ADCYAP1R1: variants seen among roughly 807,000 people sequenced by gnomAD.
The protein encoded by ADCYAP1R1 is pituitary adenylate cyclase-activating polypeptide type I receptor.
A neutral mutation model predicts 67.6 loss-of-function variants in ADCYAP1R1; 44 were observed. The observed-to-expected ratio is 0.65, with a 90% CI of 0.51 to 0.84. ADCYAP1R1 has a LOEUF of 0.84. ADCYAP1R1 is among the 40% of genes least tolerant of loss of function. The probability of loss-of-function intolerance (pLI) is 0.00; values close to 1 mark genes in which losing one functional copy is unlikely to be tolerated. For missense variants in ADCYAP1R1, 477 were observed against 587.9 expected (o/e 0.81, Z 1.95); for synonymous variants, 222 against 219.6 (o/e 1.01, Z -0.10).
At chr7:31,060,341 G>T (rs911745438) in intron 1 of ADCYAP1R1, among the ~76,000 whole-genome samples, 1 of 152,258 alleles carries the variant, frequency 6.6e-6, no homozygotes, top group Non-Finnish European at 1.5e-5. Context: ...GAGTGAGTGT[G>T]TGTAAGCGTG....
Position 31,104,917 on chromosome 7 carries a change from C to G in ADCYAP1R1, c.1218+8C>G. ...TGTTTTCTGAATGGTGAGGTAAGAC[C>G]TTGGCCCTCTGGCTTCTTGGCAGTG... On this transcript the variant is annotated splice_region_variant and intron_variant, in intron 15 of 15. Transcript: ENST00000304166. 6.2e-7 allele frequency: 1 copy of G among 1,614,128 alleles called. No homozygotes were observed. Among genetic ancestry groups the G allele is most frequent in the Non-Finnish European group, 8.5e-7 (1 of 1,179,984 alleles).
intron 3 of ADCYAP1R1, among the ~76,000 whole-genome samples, chr7:31,071,620 C>A (rs1020048212): frequency 6.6e-6 from 1 of 152,206 alleles, no homozygotes; most frequent in African/African-American, 2.4e-5. Flanking sequence ...CTTCCTCAGT[C>A]TTCTTTGCCA....
intron 11 of ADCYAP1R1, 114 bp from the exon 12 acceptor site, chr7:31,087,513 A>C: frequency 1.1e-6 from 1 of 888,598 alleles, no homozygotes; most frequent in Non-Finnish European, 1.9e-6. Context: ...GCCCCTCCTC[A>C]GAGAGCTGCG....
chr7:31,091,693 C>T (rs11979758), intron 12 of ADCYAP1R1, among the ~76,000 whole-genome samples: 2,831 of 152,184 alleles, frequency 0.019, 81 homozygotes, highest in African/African-American at 0.065. Flanking sequence ...TGCTTATTTT[C>T]GTAAACTTCA....
At chr7:31,074,649 C>T (rs1317684161) in intron 3 of ADCYAP1R1, among the ~76,000 whole-genome samples, 2 of 152,212 alleles carry the variant, frequency 1.3e-5, no homozygotes, top group South Asian at 2.1e-4. Context: ...GCTCCACGGC[C>T]GTTCCACGGT....
chr7:31,063,222 G>C lies in ADCYAP1R1; in HGVS notation c.-43G>C. On this transcript the variant is annotated 5_prime_UTR_variant, in exon 2 of 16. Coordinates refer to ENST00000304166, the MANE Select transcript of ADCYAP1R1 (RefSeq NM_001118.5). ...AGAGACACATTGGGGCTGACCTGCC[G>C]CTGCTGTCAGTGGGAGGCCAGTGGT... 1.2e-6 allele frequency: 2 copies of C among 1,612,968 alleles called. No individual in the cohort carries two copies. Among genetic ancestry groups the C allele is most frequent in the African/African-American group, 1.3e-5 (1 of 75,036 alleles).
At chr7:31,079,226 G>A (rs1795411562) in intron 4 of ADCYAP1R1, among the ~76,000 whole-genome samples, 1 of 152,200 alleles carries the variant, frequency 6.6e-6, no homozygotes, top group Non-Finnish European at 1.5e-5. Flanking sequence ...GCTGGGACCT[G>A]TGAACTCCTC....
chr7:31,090,337 C>T (rs1228017231), intron 12 of ADCYAP1R1, among the ~76,000 whole-genome samples: 1 of 152,098 alleles, frequency 6.6e-6, no homozygotes, highest in East Asian at 1.9e-4. Context: ...ATTATATTTT[C>T]TCCTTTTTCA....
intron 1 of ADCYAP1R1, among the ~76,000 whole-genome samples, chr7:31,054,340 A>C (rs2128610966): frequency 6.6e-6 from 1 of 152,136 alleles, no homozygotes; most frequent in Non-Finnish European, 1.5e-5. Flanking sequence ...GAGCCTCTGA[A>C]AGGATCCCTC....
intron 15 of ADCYAP1R1, among the ~76,000 whole-genome samples, chr7:31,105,636 T>A (rs1796611241): frequency 6.6e-6 from 1 of 152,146 alleles, no homozygotes; most frequent in East Asian, 1.9e-4. Flanking sequence ...CTTGGCAGGC[T>A]CCTCCCTCTT....
chr7:31,091,376 T>C (rs1329305591), intron 12 of ADCYAP1R1, among the ~76,000 whole-genome samples: 1 of 152,264 alleles, frequency 6.6e-6, no homozygotes, highest in Non-Finnish European at 1.5e-5. Flanking sequence ...GTCTGTTTGC[T>C]CTGTTGACAG....
rs1244929193 is a variant in ADCYAP1R1 at position 31,103,289 on chromosome 7, A to G, written c.1099A>G (p.Thr367Ala). ...LLIPLFGIHYTVFAFSPENVS... is the reference protein window; with the variant it reads ...LLIPLFGIHYAVFAFSPENVS... ...CATCCCACTATTCGGAATCCACTAC[A>G]CAGTATTTGCCTTCTCCCCAGAGAA... The change falls in exon 14 of 16, where the codon ACA becomes GCA. Residue 367 changes from threonine (T) to alanine (A), a missense_variant. Coordinates refer to ENST00000304166, the MANE Select transcript of ADCYAP1R1 (RefSeq NM_001118.5). 7.4e-6 allele frequency: 12 copies of G among 1,614,154 alleles called. No individual in the cohort carries two copies. In the Admixed American group the frequency reaches 1.5e-4, roughly 20 times the overall value.
In ADCYAP1R1 at chr7:31,080,609, T is replaced by C; in HGVS notation, c.266-4T>C. ...TTCTCTCTCTCTCTTTCTCTCTGTT[T>C]CAGTCTGGGAGACCGAAACCATTGG... On this transcript the variant is annotated splice_polypyrimidine_tract_variant and splice_region_variant and intron_variant, in intron 4 of 15. Transcript: ENST00000304166. The C allele has an allele frequency of 6.2e-7, 1 of 1,613,576 alleles. No homozygotes were observed. The highest frequency in any genetic ancestry group is 8.5e-7 in the Non-Finnish European group (1 of 1,180,002).
intron 3 of ADCYAP1R1, among the ~76,000 whole-genome samples, chr7:31,067,209 C>T (rs1216690334): frequency 3.3e-5 from 5 of 152,146 alleles, no homozygotes; most frequent in African/African-American, 1.2e-4. Context: ...CACCCTCTCA[C>T]GATCTGCTAA....
At chr7:31,084,858 G>T (rs1278629486) in intron 8 of ADCYAP1R1, 24 bp downstream of exon 8, 2 of 1,605,114 alleles carry the variant, frequency 1.2e-6, no homozygotes, top group East Asian at 2.2e-5. Context: ...CAACATTCAA[G>T]CAAGCACCAG....
chr7:31,094,899 T>A (rs1416356797), intron 13 of ADCYAP1R1, among the ~76,000 whole-genome samples: 1 of 146,352 alleles, frequency 6.8e-6, no homozygotes, highest in Non-Finnish European at 1.5e-5. Context: ...TCAGCAAATC[T>A]TTTTTTTTTA....
At chr7:31,077,176 C>A (rs1390342301) in intron 3 of ADCYAP1R1, among the ~76,000 whole-genome samples, 1 of 152,226 alleles carries the variant, frequency 6.6e-6, no homozygotes, top group Non-Finnish European at 1.5e-5. Flanking sequence ...CCACTCCCGG[C>A]CCCCTGCAAG....
At chr7:31,058,056 T>C (rs1433176878) in intron 1 of ADCYAP1R1, among the ~76,000 whole-genome samples, 1 of 152,120 alleles carries the variant, frequency 6.6e-6, no homozygotes, top group East Asian at 1.9e-4. Context: ...TGGGCTTATG[T>C]GAGGCAGAGG....
At chr7:31,061,773 C>T (rs896350796) in intron 1 of ADCYAP1R1, among the ~76,000 whole-genome samples, 3 of 152,014 alleles carry the variant, frequency 2.0e-5, no homozygotes, top group Non-Finnish European at 2.9e-5. Flanking sequence ...AGGGAGGGGA[C>T]GTGGTTAAGC....
Sources: gnomAD v4.1 joint callset for allele counts (sites outside exome capture counted in the v4.1 genomes callset) on GRCh38, gnomAD v4.1.1 for gene constraint, MANE v1.5 for transcripts, NCBI Gene and HGNC (gene_info 2026-07-23, HGNC 2026-07-21) for gene names.